Variants in SCML2 observed in about 807,000 individuals in gnomAD.
SCML2 encodes the protein sex comb on midleg-like protein 2.
In SCML2, 6 loss-of-function variants were observed where a neutral mutation model predicts 48.4. The observed-to-expected ratio is 0.12, with a 90% confidence interval of 0.07 to 0.24. The LOEUF is 0.24. SCML2 is among the 10% of genes least tolerant of loss of function. SCML2 has a pLI of 1.00. For synonymous variants in SCML2, 181 were observed against 189.5 expected (o/e 0.95, Z 0.37); for missense variants, 377 against 528.2 (o/e 0.71, Z 2.81).
chrX:18,326,301 A>G (rs1369425056), intron 3 of SCML2, among the ~76,000 whole-genome samples: 2 of 112,323 alleles, frequency 1.8e-5, no homozygotes, highest in Non-Finnish European at 3.8e-5. Context: ...TTCATCTAAA[A>G]GAAAATACTG....
At chrX:18,321,403 TAGAA>T (rs1163078653) in intron 5 of SCML2, among the ~76,000 whole-genome samples, 1 of 110,344 alleles carries the variant, frequency 9.1e-6, no homozygotes, top group Admixed American at 9.7e-5. Flanking sequence ...ATGCCAGAAT[TAGAA>T]AGAACTTGGT....
chrX:18,262,019 A>G (rs1156945587), intron 8 of SCML2, among the ~76,000 whole-genome samples: 1 of 109,194 alleles, frequency 9.2e-6, no homozygotes, highest in Non-Finnish European at 1.9e-5. Flanking sequence ...TAACAGTATC[A>G]ATATATTTTA....
At chrX:18,253,870 C>T (rs1430867823) in intron 11 of SCML2, among the ~76,000 whole-genome samples, 3 of 111,909 alleles carry the variant, frequency 2.7e-5, no homozygotes, top group Non-Finnish European at 5.6e-5. Context: ...ATGAAACTTA[C>T]AAACATAATG....
intron 5 of SCML2, among the ~76,000 whole-genome samples, chrX:18,321,109 A>G (rs1404466139): frequency 9.0e-6 from 1 of 111,539 alleles, no homozygotes; most frequent in Non-Finnish European, 1.9e-5. Flanking sequence ...ACATGGGGGT[A>G]CTCACTGTAA....
intron 7 of SCML2, among the ~76,000 whole-genome samples, chrX:18,284,778 C>T (rs1393698349): frequency 8.9e-6 from 1 of 112,341 alleles, no homozygotes; most frequent in African/African-American, 3.2e-5. Context: ...TGGTGGCTCA[C>T]GCCTATAATC....
chrX:18,248,295 G>A (rs1423100250), intron 11 of SCML2, among the ~76,000 whole-genome samples: 1 of 111,547 alleles, frequency 9.0e-6, no homozygotes, highest in Non-Finnish European at 1.9e-5. Context: ...TAACAATCCT[G>A]GCCTAGAGCT....
intron 7 of SCML2, among the ~76,000 whole-genome samples, chrX:18,289,028 C>G (rs1469296160): frequency 1.8e-5 from 2 of 111,667 alleles, no homozygotes; most frequent in Admixed American, 9.5e-5. Context: ...TTCAGAAGAA[C>G]CAAAGGTCCT....
Position 18,239,565 on chromosome X carries a change from G to A in SCML2, c.*1686C>T, listed in dbSNP as rs1330604451. On this transcript the variant is annotated 3_prime_UTR_variant, in exon 15 of 15. Coordinates refer to ENST00000251900, the MANE Select transcript of SCML2 (RefSeq NM_006089.3). Reference sequence around the variant, plus strand: ...AAGAAAATGTACATTCTTGCCCCTGGTGAATATTTTATTGGCATTTACAAC... The same window carrying A: ...AAGAAAATGTACATTCTTGCCCCTGATGAATATTTTATTGGCATTTACAAC... The A allele has an allele frequency of 1.8e-5, 2 of 112,535 alleles. No individual in the cohort carries two copies. The highest frequency in any genetic ancestry group is 3.8e-5 in the Non-Finnish European group (2 of 53,279). The allele number at this position is 112,535 out of a possible 1,213,427, so 9.3% of individuals were successfully genotyped here.
chrX:18,248,413 CA>C (rs1926530214), intron 11 of SCML2, among the ~76,000 whole-genome samples: 1 of 112,438 alleles, frequency 8.9e-6, no homozygotes, highest in South Asian at 3.6e-4. Flanking sequence ...CTTTAATTAT[CA>C]GTTATACCCT....
At chrX:18,319,396 C>T (rs769429436) in intron 6 of SCML2, among the ~76,000 whole-genome samples, 2 of 108,245 alleles carry the variant, frequency 1.8e-5, no homozygotes, top group African/African-American at 6.8e-5. Context: ...AAAAGGAGTT[C>T]AAGACCAGCC....
chrX:18,279,380 ATACTC>A (rs944255723), intron 7 of SCML2, among the ~76,000 whole-genome samples: 1 of 112,748 alleles, frequency 8.9e-6, no homozygotes, highest in Non-Finnish European at 1.9e-5. Flanking sequence ...CCAATGGACT[ATACTC>A]AACTTACACC....
intron 13 of SCML2, 125 bp from the exon 14 acceptor site, chrX:18,242,715 C>CA: frequency 1.5e-6 from 1 of 686,004 alleles, no homozygotes; most frequent in African/African-American, 2.2e-5. Context: ...AACAAGGTCT[C>CA]AAGACTCCAA....
rs1395345442 is a variant in SCML2 at position 18,312,992 on chromosome X, T to TGTGTGTGTGTGTGCGC, written c.486+7339_486+7340insGCGCACACACACACAC. On this transcript the variant is annotated intron_variant, in intron 6 of 14. Coordinates refer to ENST00000251900, the MANE Select transcript of SCML2 (RefSeq NM_006089.3). The stretch of plus-strand genomic sequence containing the variant: ...GAATGGGTGTGCGTGTGTGTGTGTG[T>TGTGTGTGTGTGTGCGC]GTGTGTGTGTGTGTGCGCGTGTGTG... Among the ~76,000 whole-genome samples the TGTGTGTGTGTGTGCGC allele has an allele frequency of 3.0e-4, 29 of 95,158 alleles. 2 individuals carry two copies. Among genetic ancestry groups the TGTGTGTGTGTGTGCGC allele is most frequent in the Non-Finnish European group, 2.1e-5 (1 of 47,634 alleles). 82.6% of individuals were successfully genotyped at this position (95,158 alleles called of 115,157 possible).
intron 13 of SCML2, among the ~76,000 whole-genome samples, chrX:18,246,048 GCTCTTTC>G (rs1926434167): frequency 8.9e-6 from 1 of 112,197 alleles, no homozygotes; most frequent in Non-Finnish European, 1.9e-5. Flanking sequence ...GCCTGTTCTG[GCTCTTTC>G]TAAATGGCAA....
Position 18,246,639 on chromosome X carries a change from C to A in SCML2, c.1760G>T (p.Gly587Val), listed in dbSNP as rs1281774656. 1 of 1,210,065 alleles carries A rather than the reference C, an allele frequency of 8.3e-7. No homozygotes were observed. The highest frequency in any genetic ancestry group is 1.8e-5 in the South Asian group (1 of 56,873). Residue 587 changes from glycine to valine, a missense_variant, in exon 13 of 15, where the codon GGG (glycine) becomes GTG (valine). Gly to Val is a moderately radical substitution (Grantham distance 109, BLOSUM62 -3). Transcript: ENST00000251900. ...GGGACTGCTCTTGGGGGATATGTCC[C>A]CAACTAGTGGTGAACTTGTGGTGCC... ...VPGTTSSPLVGDISPKSSPHE... is the reference protein window; with the variant it reads ...VPGTTSSPLVVDISPKSSPHE...
At chrX:18,285,915 A>G (rs920081170) in intron 7 of SCML2, among the ~76,000 whole-genome samples, 5 of 111,789 alleles carry the variant, frequency 4.5e-5, no homozygotes, top group Non-Finnish European at 7.5e-5. Context: ...ATAACAGAAT[A>G]AGAATACCTA....
At chrX:18,252,494 C>G (rs1377407621) in intron 11 of SCML2, among the ~76,000 whole-genome samples, 1 of 111,945 alleles carries the variant, frequency 8.9e-6, no homozygotes, top group Non-Finnish European at 1.9e-5. Flanking sequence ...GTGATGAAGA[C>G]AGTGGTGATG....
chrX:18,261,966 TTTGA>T (rs1927080213), intron 8 of SCML2, among the ~76,000 whole-genome samples: 2 of 110,158 alleles, frequency 1.8e-5, no homozygotes, highest in Non-Finnish European at 3.8e-5. Flanking sequence ...AGCTTTGACT[TTTGA>T]TTTTTATTTT....
intron 3 of SCML2, among the ~76,000 whole-genome samples, chrX:18,329,290 T>C (rs1437057833): frequency 9.0e-6 from 1 of 111,390 alleles, no homozygotes; most frequent in East Asian, 2.8e-4. Flanking sequence ...AGGGAAGAGT[T>C]GAAGAACAAA....
Sources: gnomAD v4.1 joint callset for allele counts (sites outside exome capture counted in the v4.1 genomes callset) on GRCh38, gnomAD v4.1.1 for gene constraint, MANE v1.5 for transcripts, NCBI Gene and HGNC (gene_info 2026-07-23, HGNC 2026-07-21) for gene names.